RPTOR: variants seen among roughly 807,000 people sequenced by gnomAD.
The protein encoded by RPTOR is regulatory associated protein of MTOR complex 1, also known as regulatory-associated protein of mTOR.
In RPTOR, 21 loss-of-function variants were observed where a neutral mutation model predicts 169.9. The ratio of observed to expected loss-of-function variants is 0.12; its 90% CI spans 0.09 to 0.18. The LOEUF is 0.18. Among genes scored for constraint, RPTOR ranks in the 10% least tolerant of loss-of-function variants. The pLI is 1.00. For synonymous variants in RPTOR, 732 were observed against 753.2 expected, an observed-to-expected ratio of 0.97 and a Z score of 0.46; for missense variants, 1,133 against 1,855.9, an observed-to-expected ratio of 0.61 and a Z score of 7.16.
In RPTOR at chr17:80,574,357, G is replaced by A. The variant is rs547478707; in HGVS notation, c.162+28566G>A. 1.6e-4 allele frequency among the ~76,000 whole-genome samples: 24 copies of A among 150,174 alleles called. No homozygotes were observed. The South Asian group carries it at 5.0e-3, about 31-fold the overall frequency. On this transcript the variant is annotated intron_variant, in intron 1 of 33. Coordinates refer to ENST00000306801, the MANE Select transcript of RPTOR (RefSeq NM_020761.3). ...TTTTTTGTATTTTTTTAGTAGAGAC[G>A]GGGTTTCACCTTGTTAGCCAGGATG...
At chr17:80,732,956 C>A (rs1036666903) in intron 5 of RPTOR, among the ~76,000 whole-genome samples, 1 of 151,926 alleles carries the variant, frequency 6.6e-6, no homozygotes, top group African/African-American at 2.4e-5. Flanking sequence ...ATGATTTGTT[C>A]CAGGGTTTAA....
intron 28 of RPTOR, among the ~76,000 whole-genome samples, chr17:80,953,978 G>A (rs2069216026): frequency 6.6e-6 from 1 of 152,200 alleles, no homozygotes; most frequent in South Asian, 2.1e-4. Flanking sequence ...CACAGTAGAG[G>A]GACTACACTT....
rs897338485 is a variant in RPTOR at position 80,646,907 on chromosome 17, G to A, written c.348+3097G>A. Among the ~76,000 whole-genome samples, 6 of 152,202 alleles carry A rather than the reference G, an allele frequency of 3.9e-5. No homozygotes were observed. Among genetic ancestry groups the A allele is most frequent in the Admixed American group, 1.3e-4 (2 of 15,278 alleles). On this transcript the variant is annotated intron_variant, in intron 3 of 33. Coordinates refer to ENST00000306801, the MANE Select transcript of RPTOR (RefSeq NM_020761.3). The surrounding 1 kb of genome is among the most constrained non-coding windows in gnomAD (Gnocchi z 5.0). Reference sequence around the variant, plus strand: ...GGAAATGCCTGTTTTCTCAACGGTAGCGTCCATCCAGGAGGTGCAGAAAGC... The same window carrying A: ...GGAAATGCCTGTTTTCTCAACGGTAACGTCCATCCAGGAGGTGCAGAAAGC...
Position 80,965,025 on chromosome 17 carries a change from CCA to C in RPTOR, c.*696_*697del, listed in dbSNP as rs1056733359. ...CCCCGCACCTCCAGGTCTCTGGACT[CCA>C]GTTTTGGCCCCTCTCACACAGAGCT... On this transcript the variant is annotated 3_prime_UTR_variant, in exon 34 of 34. Coordinates refer to ENST00000306801, the MANE Select transcript of RPTOR (RefSeq NM_020761.3). The C allele has an allele frequency of 2.1e-5, 5 of 233,306 alleles. No homozygotes were observed. Among genetic ancestry groups the C allele is most frequent in the Admixed American group, 1.7e-4 (3 of 17,794 alleles). 14.5% of individuals were successfully genotyped at this position (233,306 alleles called of 1,614,324 possible).
In RPTOR at chr17:80,558,459, C is replaced by T. The variant is rs917089477; in HGVS notation, c.162+12668C>T. Among the ~76,000 whole-genome samples, 4 of 152,104 alleles carry T rather than the reference C, an allele frequency of 2.6e-5. No homozygotes were observed. In the East Asian group the frequency reaches 5.8e-4, roughly 22 times the overall value. On this transcript the variant is annotated intron_variant, in intron 1 of 33. Coordinates refer to ENST00000306801, the MANE Select transcript of RPTOR (RefSeq NM_020761.3). The stretch of plus-strand genomic sequence containing the variant: ...CAGCTGTCGGTATATTTTTCAGGTG[C>T]GTTTATTGTTCTTGACTAGTACTTT...
At chr17:80,622,577 C>T (rs1362516885) in intron 1 of RPTOR, among the ~76,000 whole-genome samples, 8 of 152,120 alleles carry the variant, frequency 5.3e-5, no homozygotes, top group African/African-American at 1.9e-4. Context: ...CTAGTATATC[C>T]ACGGAGGCAG....
chr17:80,602,992 C>T (rs1458657977), intron 1 of RPTOR: 1 of 330,044 alleles, frequency 3.0e-6, no homozygotes, highest in Non-Finnish European at 5.7e-6. Flanking sequence ...ATTGGATGAT[C>T]ATCCCAGATG....
chr17:80,760,119 G>A (rs570372903), intron 6 of RPTOR, among the ~76,000 whole-genome samples: 21 of 152,190 alleles, frequency 1.4e-4, no homozygotes, highest in African/African-American at 4.3e-4. Context: ...GTATGCGGGT[G>A]GGAAGGTTCA....
At chr17:80,816,647 G>A (rs1177170647) in intron 7 of RPTOR, among the ~76,000 whole-genome samples, 1 of 152,176 alleles carries the variant, frequency 6.6e-6, no homozygotes, top group African/African-American at 2.4e-5. Flanking sequence ...GTCAGGATTT[G>A]CAGATTCAGC....
intron 3 of RPTOR, among the ~76,000 whole-genome samples, chr17:80,693,673 C>A (rs2066011872): frequency 6.6e-6 from 1 of 152,360 alleles, no homozygotes; most frequent in South Asian, 2.1e-4. Flanking sequence ...CATCTGCCAG[C>A]CCAGACTCTG....
intron 5 of RPTOR, among the ~76,000 whole-genome samples, chr17:80,739,364 A>G (rs1467635515): frequency 3.9e-5 from 6 of 152,196 alleles, no homozygotes; most frequent in Admixed American, 2.6e-4. Context: ...GCATCACACG[A>G]TAAGTCCGTC....
chr17:80,833,859 C>T (rs575002360), intron 9 of RPTOR, among the ~76,000 whole-genome samples: 1 of 152,270 alleles, frequency 6.6e-6, no homozygotes, highest in East Asian at 1.9e-4. Context: ...GCGTGTGGCA[C>T]ATTCCTGTAA....
At position 80,728,987 on chromosome 17, in the gene RPTOR, G is replaced by A. The variant is rs183449472; in HGVS notation, c.508-1573G>A. 2.1e-4 allele frequency among the ~76,000 whole-genome samples: 32 copies of A among 152,282 alleles called. 1 individual carries two copies. The highest frequency in any genetic ancestry group is 5.9e-5 in the Non-Finnish European group (4 of 68,028). ...TGTTTGGCAGAGCACAGGTAGAATG[G>A]GGTCCTGCCCACGATGATGTACGTG... On this transcript the variant is annotated intron_variant, in intron 4 of 33. Coordinates refer to ENST00000306801, the MANE Select transcript of RPTOR (RefSeq NM_020761.3).
chr17:80,922,803 A>C lies in RPTOR; in HGVS notation c.2600A>C (p.Lys867Thr). The C allele has an allele frequency of 1.9e-6, 3 of 1,583,892 alleles. No homozygotes were observed. The highest frequency in any genetic ancestry group is 2.6e-6 in the Non-Finnish European group (3 of 1,169,970). Reference protein sequence around the residue: ...TQSAPASPTNKGVHIHQAGGS... With the variant: ...TQSAPASPTNTGVHIHQAGGS... ...TCGGCCCCCGCCAGCCCCACCAACA[A>C]GGGCGTGCACATCCACCAGGCGGGG... is the stretch of plus-strand genomic sequence containing the variant. The change falls in exon 22 of 34, where the codon AAG becomes ACG. Residue 867 changes from lysine (K) to threonine (T), a missense_variant. Lys to Thr is a moderately conservative substitution (Grantham distance 78). Around this residue, in one of 9 missense-constraint regions of RPTOR, gnomAD observed 123 missense variants for 129.0 expected, o/e 0.95. Transcript: ENST00000306801.
chr17:80,828,149 G>T (rs2067464932), intron 9 of RPTOR, among the ~76,000 whole-genome samples: 1 of 152,244 alleles, frequency 6.6e-6, no homozygotes, highest in Non-Finnish European at 1.5e-5. Flanking sequence ...TGTGCTGGCG[G>T]ATCACAGCAT....
At chr17:80,864,189 G>A (rs139581569) in intron 13 of RPTOR, among the ~76,000 whole-genome samples, 192 of 152,264 alleles carry the variant, frequency 1.3e-3, no homozygotes, top group African/African-American at 3.9e-3. Flanking sequence ...AAGGCATATC[G>A]CAATCAAATT....
chr17:80,890,797 G>T (rs1368130380), intron 17 of RPTOR, among the ~76,000 whole-genome samples: 1 of 152,124 alleles, frequency 6.6e-6, no homozygotes, highest in Non-Finnish European at 1.5e-5. Context: ...TAAGGCTGGG[G>T]TGGGAAAGTG....
At chr17:80,742,977 C>T (rs545948265) in intron 5 of RPTOR, among the ~76,000 whole-genome samples, 3 of 152,254 alleles carry the variant, frequency 2.0e-5, no homozygotes, top group East Asian at 1.9e-4. Context: ...GGTGCCATGC[C>T]GCAGCACATT....
rs114929790 is a variant in RPTOR at position 80,753,992 on chromosome 17, G to A, written c.655-18G>A. On this transcript the variant is annotated intron_variant, in intron 5 of 33. Transcript: ENST00000306801. ...CAGCTAAATCACACTCTCTTTTCCCGAATGTTCTGCCCTTCAGGTAGCTGC... is the reference window on the plus strand; with the variant it reads ...CAGCTAAATCACACTCTCTTTTCCCAAATGTTCTGCCCTTCAGGTAGCTGC... 5,792 of 1,604,480 alleles carry A rather than the reference G, an allele frequency of 3.6e-3. 194 individuals are homozygous for A. In the African/African-American group the frequency reaches 0.069, roughly 19 times the overall value.
Sources: gnomAD v4.1 joint callset for allele counts (sites outside exome capture counted in the v4.1 genomes callset) on GRCh38, gnomAD v4.1.1 for gene constraint, gnomAD v4.1.1 regional missense constraint, Gnocchi (gnomAD v3.1) non-coding constraint, MANE v1.5 for transcripts, NCBI Gene and HGNC (gene_info 2026-07-23, HGNC 2026-07-21) for gene names.